The following KCNJ6 variants were observed in gnomAD, a reference collection of about 807,000 sequenced individuals.
KCNJ6 encodes potassium inwardly rectifying channel subfamily J member 6.
Under a neutral mutation model 34.2 loss-of-function variants are expected in KCNJ6, and 9 were observed. The observed-to-expected ratio is 0.26, with a 90% confidence interval of 0.16 to 0.46. The LOEUF (loss-of-function observed/expected upper bound fraction) is 0.46, where lower values mean the gene tolerates loss of function less well. KCNJ6 is among the 20% of genes least tolerant of loss of function. KCNJ6 has a pLI of 1.00. For missense variants in KCNJ6, 236 were observed against 531.3 expected, an observed-to-expected ratio of 0.44 and a Z score of 5.46; for synonymous variants, 196 against 207.1, an observed-to-expected ratio of 0.95 and a Z score of 0.46.
intron 2 of KCNJ6, among the ~76,000 whole-genome samples, chr21:37,752,454 A>C (rs1246226169): frequency 6.6e-6 from 1 of 152,168 alleles, no homozygotes; most frequent in Non-Finnish European, 1.5e-5. Context: ...ATATGAGCTA[A>C]ATAGAGAAGC....
At chr21:37,823,343 A>G (rs751632666) in intron 2 of KCNJ6, among the ~76,000 whole-genome samples, 1 of 152,262 alleles carries the variant, frequency 6.6e-6, no homozygotes, top group Non-Finnish European at 1.5e-5. Context: ...TAAACCAGGT[A>G]CAGAAGGACA....
At chr21:37,853,853 T>TATATATATATAGAGATAC (rs58043642) in intron 1 of KCNJ6, among the ~76,000 whole-genome samples, 1 of 142,292 alleles carries the variant, frequency 7.0e-6, no homozygotes, top group African/African-American at 2.7e-5. Context: ...TATGTATATA[T>TATATATATATAGAGATAC]ATATATATAA....
intron 1 of KCNJ6, among the ~76,000 whole-genome samples, chr21:37,913,295 C>A (rs1482672190): frequency 1.3e-5 from 2 of 152,206 alleles, no homozygotes; most frequent in Admixed American, 6.5e-5. Flanking sequence ...CCTGCAGTTT[C>A]TTCCTTGTTT....
intron 2 of KCNJ6, among the ~76,000 whole-genome samples, chr21:37,776,410 A>G (rs189936640): frequency 3.3e-4 from 50 of 152,306 alleles, no homozygotes; most frequent in African/African-American, 1.1e-3. Context: ...GAAAGAGGGC[A>G]TCCCTGTCTT....
chr21:37,651,257 C>T (rs923457509), intron 3 of KCNJ6, among the ~76,000 whole-genome samples: 5 of 152,112 alleles, frequency 3.3e-5, no homozygotes, highest in African/African-American at 1.2e-4. Context: ...GACAGTCATA[C>T]ATGAGATAAT....
intron 2 of KCNJ6, among the ~76,000 whole-genome samples, chr21:37,728,250 T>C (rs1344387268): frequency 6.6e-6 from 1 of 152,166 alleles, no homozygotes; most frequent in African/African-American, 2.4e-5. Flanking sequence ...GTTCCTAGAA[T>C]AGCCAAATTC....
At chr21:37,753,861 A>C (rs1169105271) in intron 2 of KCNJ6, among the ~76,000 whole-genome samples, 1 of 152,216 alleles carries the variant, frequency 6.6e-6, no homozygotes, top group Admixed American at 6.5e-5. Context: ...TCTCTGAGAC[A>C]TCGGACACTA....
At chr21:37,750,462 A>C (rs1213427897) in intron 2 of KCNJ6, among the ~76,000 whole-genome samples, 1 of 152,232 alleles carries the variant, frequency 6.6e-6, no homozygotes, top group Non-Finnish European at 1.5e-5. Context: ...CACAACAGCA[A>C]AGACTTGGAA....
chr21:37,760,684 G>A (rs1453574450), intron 2 of KCNJ6, among the ~76,000 whole-genome samples: 1 of 152,192 alleles, frequency 6.6e-6, no homozygotes, highest in African/African-American at 2.4e-5. Flanking sequence ...TTAAGAACCT[G>A]CCTTTTTCCT....
chr21:37,819,595 G>A (rs967760288), intron 2 of KCNJ6, among the ~76,000 whole-genome samples: 1 of 152,122 alleles, frequency 6.6e-6, no homozygotes, highest in Non-Finnish European at 1.5e-5. Flanking sequence ...TAACCAGGCA[G>A]AAGTAACCTT....
At chr21:37,777,269 A>C (rs1348083526) in intron 2 of KCNJ6, among the ~76,000 whole-genome samples, 3 of 151,932 alleles carry the variant, frequency 2.0e-5, no homozygotes, top group Non-Finnish European at 4.4e-5. Context: ...CTAGCGGTCT[A>C]TCAATTTTGT....
chr21:37,749,925 A>C (rs558025113), intron 2 of KCNJ6, among the ~76,000 whole-genome samples: 1 of 152,334 alleles, frequency 6.6e-6, no homozygotes, highest in South Asian at 2.1e-4. Flanking sequence ...AGAAAGCTCC[A>C]AGCCAGTGCA....
chr21:37,753,247 A>C (rs1471241440), intron 2 of KCNJ6, among the ~76,000 whole-genome samples: 2 of 152,174 alleles, frequency 1.3e-5, no homozygotes, highest in South Asian at 2.1e-4. Flanking sequence ...GAACCTGTCA[A>C]ACAACCCGAG....
chr21:37,679,213 T>C (rs929346579), intron 3 of KCNJ6, among the ~76,000 whole-genome samples: 6 of 152,170 alleles, frequency 3.9e-5, no homozygotes, highest in African/African-American at 1.4e-4. Context: ...CCAGCCAACA[T>C]CTTGATTGCA....
chr21:37,796,578 G>A (rs2055243198), intron 2 of KCNJ6, among the ~76,000 whole-genome samples: 2 of 152,012 alleles, frequency 1.3e-5, no homozygotes, highest in African/African-American at 4.8e-5. Flanking sequence ...GGTCCCTCCT[G>A]GTTCTCATAC....
chr21:37,634,598 G>A (rs2123370795), intron 3 of KCNJ6, among the ~76,000 whole-genome samples: 1 of 152,134 alleles, frequency 6.6e-6, no homozygotes, highest in South Asian at 2.1e-4. Flanking sequence ...ATTTTAAGAA[G>A]TACTAATAAG....
At chr21:37,721,927 G>A (rs908926328) in intron 2 of KCNJ6, among the ~76,000 whole-genome samples, 7 of 152,204 alleles carry the variant, frequency 4.6e-5, no homozygotes, top group Admixed American at 1.3e-4. Context: ...TGAAAAGCAA[G>A]CACAGGAAGT....
At chr21:37,694,398 T>A (rs1314479159) in intron 3 of KCNJ6, among the ~76,000 whole-genome samples, 1 of 152,212 alleles carries the variant, frequency 6.6e-6, no homozygotes, top group Non-Finnish European at 1.5e-5. Flanking sequence ...GAAAGAGTAC[T>A]GTTAGCATTT....
chr21:37,914,266 T>C (rs772950867), intron 1 of KCNJ6, among the ~76,000 whole-genome samples: 1 of 152,172 alleles, frequency 6.6e-6, no homozygotes, highest in Non-Finnish European at 1.5e-5. Flanking sequence ...AAGACTCATT[T>C]ATTTATAGAA....
Sources: allele counts gnomAD v4.1 joint callset (sites outside exome capture counted in the v4.1 genomes callset), GRCh38; gene constraint gnomAD v4.1.1; transcripts MANE v1.5; gene names NCBI Gene and HGNC (gene_info 2026-07-23, HGNC 2026-07-21).